The following EGFR variants were observed in gnomAD, a reference collection of about 807,000 sequenced individuals.
EGFR encodes avian erythroblastic leukemia viral (v-erb-b) oncogene homolog.
In EGFR, 58 loss-of-function variants were observed where a neutral mutation model predicts 143.0. The observed-to-expected ratio is 0.41, with a 90% CI of 0.33 to 0.50. The LOEUF (loss-of-function observed/expected upper bound fraction) is 0.50. Ranked by LOEUF, EGFR falls within the 20% of genes least tolerant of loss-of-function variation. The pLI, the probability that EGFR is intolerant of heterozygous loss-of-function variation, is 0.39. For missense variants in EGFR, 1,307 were observed against 1,579.0 expected (o/e 0.83, Z 2.92); for synonymous variants, 613 against 594.4 (o/e 1.03, Z -0.45).
intron 1 of EGFR, among the ~76,000 whole-genome samples, chr7:55,079,170 G>C (rs1277089674): frequency 6.6e-6 from 1 of 152,100 alleles, no homozygotes; most frequent in East Asian, 1.9e-4. Flanking sequence ...GCTGGGCGGG[G>C]GCGGGAAAAC....
chr7:55,101,150 A>G (rs113228542), intron 1 of EGFR, among the ~76,000 whole-genome samples: 93 of 152,340 alleles, frequency 6.1e-4, no homozygotes, highest in African/African-American at 2.1e-3. Flanking sequence ...GGGCCCGGGC[A>G]GAAGGTATCC....
chr7:55,077,784 T>C (rs1373971989), intron 1 of EGFR, among the ~76,000 whole-genome samples: 1 of 152,006 alleles, frequency 6.6e-6, no homozygotes, highest in African/African-American at 2.4e-5. Context: ...ATGGGTTAAA[T>C]GCTCTTAAAA....
chr7:55,160,086 A>C (rs887761052), intron 11 of EGFR, 53 bp from the exon 12 acceptor site: 31 of 1,598,678 alleles, frequency 1.9e-5, no homozygotes, highest in Non-Finnish European at 2.6e-5. Context: ...GTTTTCAGGG[A>C]TACATTGTTT....
chr7:55,091,727 T>G (rs1213407913), intron 1 of EGFR, among the ~76,000 whole-genome samples: 1 of 152,136 alleles, frequency 6.6e-6, no homozygotes, highest in Non-Finnish European at 1.5e-5. Flanking sequence ...CAGGCTTGTG[T>G]TGCTGGCAGG....
At chr7:55,200,025 A>G (rs572626343) in intron 23 of EGFR, among the ~76,000 whole-genome samples, 1 of 152,354 alleles carries the variant, frequency 6.6e-6, no homozygotes, top group East Asian at 1.9e-4. Context: ...ACAGACCCAC[A>G]CTGCTCCATC....
chr7:55,056,897 G>T (rs376680018), intron 1 of EGFR, among the ~76,000 whole-genome samples: 1 of 152,240 alleles, frequency 6.6e-6, no homozygotes, highest in African/African-American at 2.4e-5. Context: ...AGCTCAGACG[G>T]TGTGTGCAGT....
intron 24 of EGFR, 75 bp downstream of exon 24, chr7:55,200,488 A>G (rs1203335113): frequency 6.9e-7 from 1 of 1,453,588 alleles, no homozygotes; most frequent in Admixed American, 1.7e-5. Flanking sequence ...GTTCTGTCAC[A>G]TGCCAGCCTG....
Position 55,154,081 on chromosome 7 carries a change from C to G in EGFR, c.818C>G (p.Thr273Ser), listed in dbSNP as rs1785289358. ...CCCCCACTCATGCTCTACAACCCCA[C>G]CACGTACCAGATGGATGTGAACCCC... ...TCPPLMLYNP[T>S]TYQMDVNPEG... The change falls in exon 7 of 28, where the codon ACC (threonine) becomes AGC (serine). Residue 273 changes from threonine (T) to serine (S), a missense_variant. Physicochemically the swap from Thr to Ser is moderately conservative, Grantham distance 58. Around this residue, in one of 7 missense-constraint regions of EGFR, gnomAD observed 311 missense variants for 412.3 expected, o/e 0.75. Transcript: ENST00000275493. 4 of 1,614,236 alleles carry G rather than the reference C, an allele frequency of 2.5e-6. No individual in the cohort carries two copies. Among genetic ancestry groups the G allele is most frequent in the Non-Finnish European group, 3.4e-6 (4 of 1,180,052 alleles).
chr7:55,149,900 T>C (rs941536605), intron 4 of EGFR, among the ~76,000 whole-genome samples: 3 of 152,226 alleles, frequency 2.0e-5, no homozygotes, highest in Admixed American at 1.3e-4. Context: ...TATGGGTTTT[T>C]AAGGTTATAA....
intron 7 of EGFR, among the ~76,000 whole-genome samples, chr7:55,155,074 G>A (rs183963929): frequency 2.5e-4 from 38 of 152,356 alleles, no homozygotes; most frequent in Middle Eastern, 3.4e-3. Flanking sequence ...GATACCAAGA[G>A]CAGATGGTTC....
chr7:55,072,951 G>A (rs1211737940), intron 1 of EGFR, among the ~76,000 whole-genome samples: 2 of 152,128 alleles, frequency 1.3e-5, no homozygotes, highest in African/African-American at 2.4e-5. Flanking sequence ...CTTATAATCA[G>A]GATGAAATTT....
chr7:55,122,390 C>T (rs1348644518), intron 1 of EGFR, among the ~76,000 whole-genome samples: 4 of 152,218 alleles, frequency 2.6e-5, no homozygotes, highest in African/African-American at 9.6e-5. Flanking sequence ...TGGGCCAGTG[C>T]AGCATGTGTC....
chr7:55,187,920 C>T (rs1011239172), intron 20 of EGFR, among the ~76,000 whole-genome samples: 1 of 152,100 alleles, frequency 6.6e-6, no homozygotes, highest in African/African-American at 2.4e-5. Flanking sequence ...GAAAGCCCTG[C>T]GGGGCCCCTC....
At chr7:55,021,121 C>T (rs1016563651) in intron 1 of EGFR, among the ~76,000 whole-genome samples, 1 of 151,964 alleles carries the variant, frequency 6.6e-6, no homozygotes, top group Non-Finnish European at 1.5e-5. Context: ...TACAATATTG[C>T]CAAATATAGG....
At chr7:55,115,486 AT>A (rs1323405702) in intron 1 of EGFR, among the ~76,000 whole-genome samples, 11 of 152,176 alleles carry the variant, frequency 7.2e-5, no homozygotes, top group Non-Finnish European at 1.2e-4. Context: ...AAGAAGTTAT[AT>A]TTATTATCAT....
chr7:55,146,253 C>T (rs375164047), intron 3 of EGFR, among the ~76,000 whole-genome samples: 12 of 152,190 alleles, frequency 7.9e-5, no homozygotes, highest in African/African-American at 1.7e-4. Context: ...CTACCCCCTA[C>T]ATCATGCGAC....
chr7:55,148,882 G>T (rs994222452), intron 4 of EGFR, among the ~76,000 whole-genome samples: 2 of 152,068 alleles, frequency 1.3e-5, no homozygotes, highest in African/African-American at 4.8e-5. Context: ...CTCATGAGAT[G>T]ATTTAAGTGT....
chr7:55,210,496 C>T lies in EGFR; in HGVS notation c.*4879C>T, dbSNP rs1382499214. 1.3e-5 allele frequency: 2 copies of T among 152,040 alleles called. No individual in the cohort carries two copies. The highest frequency in any genetic ancestry group is 4.8e-5 in the African/African-American group (2 of 41,442). 9.4% of individuals were successfully genotyped at this position (152,040 alleles called of 1,614,324 possible). A position where few individuals can be genotyped will look rare whatever the true frequency, so the allele number is the denominator to read the frequency against. On this transcript the variant is annotated 3_prime_UTR_variant, in exon 28 of 28. Transcript: ENST00000275493. ...ACCCAAGCATTCGTAGTTTTTAAAG[C>T]TCCTGAGGTCATTCCAATGTGCGGC...
At chr7:55,120,365 G>T (rs1793126758) in intron 1 of EGFR, among the ~76,000 whole-genome samples, 1 of 152,224 alleles carries the variant, frequency 6.6e-6, no homozygotes, top group Non-Finnish European at 1.5e-5. Context: ...CTAAAGGGAT[G>T]TTGAGCAACT....
Sources: allele counts gnomAD v4.1 joint callset (sites outside exome capture counted in the v4.1 genomes callset), GRCh38; gene constraint gnomAD v4.1.1; regional missense constraint gnomAD v4.1.1; transcripts MANE v1.5; gene names NCBI Gene and HGNC (gene_info 2026-07-23, HGNC 2026-07-21).